The following ASIC2 variants were observed in gnomAD, a reference collection of about 807,000 sequenced individuals.
The protein encoded by ASIC2 is acid sensing ion channel subunit 2.
A neutral mutation model predicts 57.3 loss-of-function variants in ASIC2; 25 were observed. The ratio of observed to expected loss-of-function variants is 0.44; its 90% CI spans 0.32 to 0.61. The LOEUF is 0.61. Among genes scored for constraint, ASIC2 ranks in the 20% least tolerant of loss-of-function variants. ASIC2 has a pLI of 0.06. For synonymous variants in ASIC2, 319 were observed against 307.5 expected (o/e 1.04, Z -0.39); for missense variants, 641 against 738.1 (o/e 0.87, Z 1.52).
At chr17:33,040,134 G>T (rs2141916545) in intron 3 of ASIC2, among the ~76,000 whole-genome samples, 1 of 152,342 alleles carries the variant, frequency 6.6e-6, no homozygotes, top group Non-Finnish European at 1.5e-5. Flanking sequence ...GGCAGCCATG[G>T]TTTCACTGTG....
intron 1 of ASIC2, among the ~76,000 whole-genome samples, chr17:33,432,515 A>G (rs1272320545): frequency 6.6e-6 from 1 of 152,162 alleles, no homozygotes; most frequent in Non-Finnish European, 1.5e-5. Flanking sequence ...GGCAAAAAAG[A>G]CTTCATGATG....
chr17:33,269,209 G>T (rs12453495), intron 1 of ASIC2, among the ~76,000 whole-genome samples: 52,928 of 151,924 alleles, frequency 0.35, 9,302 homozygotes, highest in Admixed American at 0.42. Flanking sequence ...TATGCCACAT[G>T]GGTAGAGTAA....
intron 1 of ASIC2, among the ~76,000 whole-genome samples, chr17:33,315,317 G>A (rs1906600527): frequency 6.6e-6 from 1 of 152,152 alleles, no homozygotes; most frequent in South Asian, 2.1e-4. Flanking sequence ...GAGAAAACAT[G>A]GGCCTGCCCG....
At chr17:33,356,249 T>C (rs1908368820) in intron 1 of ASIC2, among the ~76,000 whole-genome samples, 1 of 152,130 alleles carries the variant, frequency 6.6e-6, no homozygotes, top group African/African-American at 2.4e-5. Flanking sequence ...AATTCTTTTC[T>C]ATTAAGGCTT....
At chr17:33,744,769 T>A (rs1910212632) in intron 1 of ASIC2, among the ~76,000 whole-genome samples, 1 of 152,178 alleles carries the variant, frequency 6.6e-6, no homozygotes, top group East Asian at 1.9e-4. Context: ...ACATTATACA[T>A]ACGTTCAAAT....
At chr17:34,024,807 T>C (rs1038253528) in intron 1 of ASIC2, among the ~76,000 whole-genome samples, 3 of 152,208 alleles carry the variant, frequency 2.0e-5, no homozygotes, top group Non-Finnish European at 2.9e-5. Context: ...TTTAGGATCA[T>C]GTACACCTGG....
At chr17:33,017,871 T>C (rs998823578) in intron 7 of ASIC2, among the ~76,000 whole-genome samples, 187 bp from the exon 8 acceptor site, 6 of 152,224 alleles carry the variant, frequency 3.9e-5, no homozygotes, top group African/African-American at 1.4e-4. Context: ...CTACCATTTT[T>C]CAGCATTCAG....
chr17:33,550,985 G>C (rs1915734784), intron 1 of ASIC2, among the ~76,000 whole-genome samples: 1 of 152,168 alleles, frequency 6.6e-6, no homozygotes, highest in Admixed American at 6.5e-5. Context: ...GCAAAGCTAA[G>C]AAATTTGGAC....
chr17:34,033,641 A>G (rs1357205489), intron 1 of ASIC2, among the ~76,000 whole-genome samples: 2 of 152,308 alleles, frequency 1.3e-5, no homozygotes, highest in East Asian at 3.9e-4. Flanking sequence ...AAGAAAAGAG[A>G]GAAGAATCAA....
intron 1 of ASIC2, among the ~76,000 whole-genome samples, chr17:33,552,503 G>T (rs936401347): frequency 3.3e-5 from 5 of 152,342 alleles, no homozygotes; most frequent in Non-Finnish European, 5.9e-5. Flanking sequence ...ACAGGGACTT[G>T]GTGTCCAGCA....
At chr17:33,137,733 G>A (rs886098078) in intron 1 of ASIC2, among the ~76,000 whole-genome samples, 7 of 152,224 alleles carry the variant, frequency 4.6e-5, no homozygotes, top group Admixed American at 4.6e-4. Context: ...TTCTCAGGAA[G>A]TGCCTGACAG....
chr17:33,902,432 G>C (rs1383357129), intron 1 of ASIC2, among the ~76,000 whole-genome samples: 1 of 152,220 alleles, frequency 6.6e-6, no homozygotes, highest in Non-Finnish European at 1.5e-5. Flanking sequence ...TTTAGCTAAT[G>C]CAAGAGGCTC....
chr17:33,404,636 A>G (rs1025960675), intron 1 of ASIC2, among the ~76,000 whole-genome samples: 1 of 152,208 alleles, frequency 6.6e-6, no homozygotes, highest in Admixed American at 6.5e-5. Context: ...TGTTGAGTTG[A>G]GCGACATTAA....
intron 1 of ASIC2, among the ~76,000 whole-genome samples, chr17:33,535,090 G>T (rs1915184004): frequency 3.3e-5 from 5 of 152,142 alleles, no homozygotes; most frequent in Admixed American, 3.3e-4. Flanking sequence ...GGCAGAGCTG[G>T]GGTGGGGCCA....
At chr17:33,272,105 C>A (rs1383195173) in intron 1 of ASIC2, among the ~76,000 whole-genome samples, 2 of 152,228 alleles carry the variant, frequency 1.3e-5, no homozygotes, top group Admixed American at 1.3e-4. Flanking sequence ...TCATTTTGAT[C>A]TTGGCTCAAA....
intron 1 of ASIC2, among the ~76,000 whole-genome samples, chr17:34,103,105 T>C (rs1234583736): frequency 6.6e-6 from 1 of 152,204 alleles, no homozygotes; most frequent in Non-Finnish European, 1.5e-5. Flanking sequence ...TCTATAACAA[T>C]GATATATTTT....
chr17:33,358,112 TAC>T (rs1908457858), intron 1 of ASIC2, among the ~76,000 whole-genome samples: 1 of 152,244 alleles, frequency 6.6e-6, no homozygotes, highest in South Asian at 2.1e-4. Context: ...CCTGTTTTTG[TAC>T]AGTCTGTGAG....
intron 1 of ASIC2, among the ~76,000 whole-genome samples, chr17:33,762,382 A>T (rs1327592133): frequency 6.6e-6 from 1 of 152,164 alleles, no homozygotes; most frequent in Non-Finnish European, 1.5e-5. Context: ...GGAGTGGGTT[A>T]TGGGAGCTTG....
intron 3 of ASIC2, among the ~76,000 whole-genome samples, chr17:33,059,730 A>G (rs1193795178): frequency 1.3e-5 from 2 of 152,212 alleles, no homozygotes; most frequent in African/African-American, 2.4e-5. Context: ...CTGAGGAATC[A>G]CCACACTGTC....
Sources: gnomAD v4.1 joint callset for allele counts (sites outside exome capture counted in the v4.1 genomes callset) on GRCh38, gnomAD v4.1.1 for gene constraint, MANE v1.5 for transcripts, NCBI Gene and HGNC (gene_info 2026-07-23, HGNC 2026-07-21) for gene names.